Variants in STRN observed in about 807,000 individuals in gnomAD.
STRN encodes protein phosphatase 2 regulatory subunit B'''alpha.
A neutral mutation model predicts 96.3 loss-of-function variants in STRN; 53 were observed. That is an observed-to-expected ratio of 0.55 (90% CI 0.44 to 0.69). The LOEUF (loss-of-function observed/expected upper bound fraction) is 0.69, where lower values mean the gene tolerates loss of function less well. Ranked by LOEUF, STRN falls within the 30% of genes least tolerant of loss-of-function variation. The pLI is 0.00. For synonymous variants in STRN, 428 were observed against 355.9 expected, an observed-to-expected ratio of 1.20 and a Z score of -2.28; for missense variants, 987 against 963.9, an observed-to-expected ratio of 1.02 and a Z score of -0.32.
intron 14 of STRN, 26 bp downstream of exon 14, chr2:36,857,830 G>C (rs1273178928): frequency 1.3e-6 from 2 of 1,585,946 alleles, no homozygotes; most frequent in African/African-American, 1.3e-5. Context: ...AGAGGATTCA[G>C]CAAAATAATT....
At chr2:36,887,410 C>G (rs1315275593) in intron 7 of STRN, among the ~76,000 whole-genome samples, 1 of 151,768 alleles carries the variant, frequency 6.6e-6, no homozygotes, top group Non-Finnish European at 1.5e-5. Flanking sequence ...GCGGAGGTTG[C>G]AATGAGCCGA....
intron 1 of STRN, among the ~76,000 whole-genome samples, chr2:36,948,248 T>C (rs937070879): frequency 6.6e-6 from 1 of 151,684 alleles, no homozygotes; most frequent in East Asian, 1.9e-4. Context: ...ATTACAGGCA[T>C]GTGCCACCAC....
chr2:36,925,875 T>C (rs1670396371), intron 1 of STRN, among the ~76,000 whole-genome samples: 1 of 152,220 alleles, frequency 6.6e-6, no homozygotes, highest in African/African-American at 2.4e-5. Context: ...GATCTTTTTA[T>C]AAAGCAGGAA....
chr2:36,938,025 A>G (rs1025376018), intron 1 of STRN, among the ~76,000 whole-genome samples: 2 of 152,246 alleles, frequency 1.3e-5, no homozygotes, highest in African/African-American at 4.8e-5. Flanking sequence ...TGAGTATTTT[A>G]AAGAATCTAA....
chr2:36,886,584 C>T, intron 8 of STRN, 132 bp downstream of exon 8: 4 of 633,158 alleles, frequency 6.3e-6, no homozygotes, highest in Non-Finnish European at 1.1e-5. Context: ...CCCCTGAGAG[C>T]AGGTGAAAAG....
At chr2:36,914,130 C>G (rs908513319) in intron 3 of STRN, among the ~76,000 whole-genome samples, 2 of 152,172 alleles carry the variant, frequency 1.3e-5, no homozygotes, top group African/African-American at 4.8e-5. Context: ...GCTAGGACTA[C>G]AGACATGTGC....
rs1158709835 is a variant in STRN, at chr2:36,957,742, G to GTTTTTTTTTTTTTTTTT, written c.234+8487_234+8488insAAAAAAAAAAAAAAAAA. 1.4e-4 allele frequency among the ~76,000 whole-genome samples: 14 copies of GTTTTTTTTTTTTTTTTT among 103,110 alleles called. 3 individuals are homozygous for GTTTTTTTTTTTTTTTTT. The highest frequency in any genetic ancestry group is 3.6e-4 in the South Asian group (1 of 2,782). The allele number at this position is 103,110 out of a possible 152,430, so 67.6% of individuals were successfully genotyped here. On this transcript the variant is annotated intron_variant, in intron 1 of 17. Transcript: ENST00000263918. ...GATTAGTCTCATAGTTCTTCTTTTT[G>GTTTTTTTTTTTTTTTTT]TCTTTTTTTTTTTTTTTTTTTTTTT...
chr2:36,956,800 G>A (rs1369679396), intron 1 of STRN, among the ~76,000 whole-genome samples: 1 of 152,212 alleles, frequency 6.6e-6, no homozygotes, highest in Non-Finnish European at 1.5e-5. Context: ...AGTGCTGTCT[G>A]TCAACATTAT....
chr2:36,885,065 C>T (rs1478503819), intron 8 of STRN, among the ~76,000 whole-genome samples: 3 of 152,072 alleles, frequency 2.0e-5, no homozygotes, highest in Non-Finnish European at 2.9e-5. Context: ...TAAAAAAAAA[C>T]CATGTGCTAG....
At chr2:36,916,298 T>C in intron 2 of STRN, 147 bp from the exon 3 acceptor site, 2 of 677,622 alleles carry the variant, frequency 3.0e-6, no homozygotes, top group East Asian at 2.7e-5. Context: ...GTCAAAGTTA[T>C]AATACAAAAG....
rs1189228927 is a variant in STRN at position 36,928,788 on chromosome 2, C to CA, written c.235-3581dup. Reference sequence around the variant, plus strand: ...TGAAACCCCATCTCTACTAAAAATACAAAAAAAAAAATTAGCCGGGCGTGG... The same window carrying CA: ...TGAAACCCCATCTCTACTAAAAATACAAAAAAAAAAAATTAGCCGGGCGTGG... On this transcript the variant is annotated intron_variant, in intron 1 of 17. Transcript: ENST00000263918. Among the ~76,000 whole-genome samples, 436 of 141,328 alleles carry CA rather than the reference C, an allele frequency of 3.1e-3. 5 individuals are homozygous for CA. The highest frequency in any genetic ancestry group is 9.8e-3 in the African/African-American group (376 of 38,428). The allele number at this position is 141,328 out of a possible 152,430, so 92.7% of individuals were successfully genotyped here. A position where few individuals can be genotyped will look rare whatever the true frequency, so the allele number is the denominator to read the frequency against.
intron 10 of STRN, among the ~76,000 whole-genome samples, chr2:36,874,715 G>GTT (rs1318987847): frequency 9.6e-6 from 1 of 103,648 alleles, no homozygotes; most frequent in African/African-American, 3.7e-5. Context: ...TATGTTTAGA[G>GTT]TTAAAAAAAA....
In STRN at chr2:36,845,555, C is replaced by T. The variant is rs950588376; in HGVS notation, c.*3901G>A. On this transcript the variant is annotated 3_prime_UTR_variant, in exon 18 of 18. Transcript: ENST00000263918. ...TTGAATCTTTACCACATAAGAACTT[C>T]ATGACATGCTGTTTTGTAAGAGGGA... 10 of 152,194 alleles carry T rather than the reference C, an allele frequency of 6.6e-5. No individual in the cohort carries two copies. Among genetic ancestry groups the T allele is most frequent in the African/African-American group, 2.2e-4 (9 of 41,538 alleles). The allele number at this position is 152,194 out of a possible 1,614,324, so 9.4% of individuals were successfully genotyped here. A position where few individuals can be genotyped will look rare whatever the true frequency, so the allele number is the denominator to read the frequency against.
At chr2:36,910,931 G>C (rs568816497) in intron 3 of STRN, among the ~76,000 whole-genome samples, 14 of 151,080 alleles carry the variant, frequency 9.3e-5, no homozygotes, top group Admixed American at 3.3e-4. Flanking sequence ...CTGGACGTGG[G>C]ACAAAAAAAA....
chr2:36,912,229 A>T (rs570525191), intron 3 of STRN, among the ~76,000 whole-genome samples: 6 of 152,262 alleles, frequency 3.9e-5, no homozygotes, highest in Non-Finnish European at 7.4e-5. Context: ...TAAGACACAC[A>T]TCACACGTGT....
intron 7 of STRN, among the ~76,000 whole-genome samples, chr2:36,893,372 T>C (rs1454907517): frequency 1.3e-5 from 2 of 152,244 alleles, no homozygotes; most frequent in African/African-American, 4.8e-5. Flanking sequence ...CTTTTTTTTA[T>C]GAGACGGATT....
intron 1 of STRN, among the ~76,000 whole-genome samples, chr2:36,944,230 T>C (rs1015287689): frequency 3.3e-5 from 5 of 152,158 alleles, no homozygotes; most frequent in Admixed American, 6.5e-5. Context: ...TTTCTCTTAA[T>C]ATACAAAAGC....
At chr2:36,856,342 T>C (rs1487523651) in intron 14 of STRN, among the ~76,000 whole-genome samples, 2 of 152,198 alleles carry the variant, frequency 1.3e-5, no homozygotes, top group East Asian at 1.9e-4. Flanking sequence ...AATGAAAATA[T>C]ATGAATGTTC....
chr2:36,839,236 CTATT>C lies in STRN; in HGVS notation c.*10216_*10219del, dbSNP rs1424684379. Among the ~76,000 whole-genome samples, 2 of 152,114 alleles carry C rather than the reference CTATT, an allele frequency of 1.3e-5. No homozygotes were observed. Among genetic ancestry groups the C allele is most frequent in the Non-Finnish European group, 2.9e-5 (2 of 68,020 alleles). On this transcript the variant is annotated 3_prime_UTR_variant, in exon 18 of 18. Transcript: ENST00000263918. Reference sequence around the variant, plus strand: ...CATCAAATCATCCCCCTTCCCTGCTCTATTTTTTTTCCCTCTGCACTTATCACTA... The same window carrying C: ...CATCAAATCATCCCCCTTCCCTGCTCTTTTTTCCCTCTGCACTTATCACTA...
Sources: allele counts gnomAD v4.1 joint callset (sites outside exome capture counted in the v4.1 genomes callset), GRCh38; gene constraint gnomAD v4.1.1; transcripts MANE v1.5; gene names NCBI Gene and HGNC (gene_info 2026-07-23, HGNC 2026-07-21).